The following NRXN1 variants were observed in gnomAD, a reference collection of about 807,000 sequenced individuals.
NRXN1 encodes neurexin-1.
Under a neutral mutation model 150.9 loss-of-function variants are expected in NRXN1, and 39 were observed. The observed-to-expected ratio is 0.26, with a 90% confidence interval of 0.20 to 0.34. NRXN1 has a LOEUF of 0.34. Among genes scored for constraint, NRXN1 ranks in the 10% least tolerant of loss-of-function variants. The pLI is 1.00. For missense variants in NRXN1, 1,815 were observed against 1,949.9 expected (o/e 0.93, Z 1.30); for synonymous variants, 924 against 757.0 (o/e 1.22, Z -3.62).
chr2:49,934,119 A>G (rs1486996949), intron 22 of NRXN1, among the ~76,000 whole-genome samples: 1 of 152,192 alleles, frequency 6.6e-6, no homozygotes, highest in Non-Finnish European at 1.5e-5. Context: ...AAATTTTATT[A>G]TGATATTTTA....
rs543794636 is a variant in NRXN1, at chr2:51,028,644, T to A, written c.-371A>T. 1 of 199,048 alleles carries A rather than the reference T, an allele frequency of 5.0e-6. No individual in the cohort carries two copies. Among genetic ancestry groups the A allele is most frequent in the South Asian group, 1.9e-4 (1 of 5,272 alleles). 12.3% of individuals were successfully genotyped at this position (199,048 alleles called of 1,614,324 possible). On this transcript the variant is annotated 5_prime_UTR_variant, in exon 2 of 23. It removes the in-frame stop codon of an upstream open reading frame in the 5' UTR. Transcript: ENST00000401669. Reference sequence around the variant, plus strand: ...AACTAATTTAAGAGTATCTGCAGTGTCAACAGATACTTAACTCCTCAAATC... The same window carrying A: ...AACTAATTTAAGAGTATCTGCAGTGACAACAGATACTTAACTCCTCAAATC...
intron 18 of NRXN1, among the ~76,000 whole-genome samples, chr2:50,229,318 C>G (rs115508014): frequency 8.2e-6 from 1 of 122,068 alleles, no homozygotes. Flanking sequence ...TGGCTTTCAG[C>G]GCATTTTTTT....
At chr2:50,985,573 T>C (rs370078404) in intron 2 of NRXN1, 11 of 151,604 alleles carry the variant, frequency 7.3e-5, no homozygotes, top group African/African-American at 2.7e-4. Flanking sequence ...GAAACCACTC[T>C]GAAAGAATTA....
intron 8 of NRXN1, among the ~76,000 whole-genome samples, chr2:50,583,853 A>G (rs1046500293): frequency 6.6e-6 from 1 of 152,206 alleles, no homozygotes; most frequent in African/African-American, 2.4e-5. Flanking sequence ...TACACAAAAT[A>G]TTAACATAAA....
At chr2:49,954,941 T>C (rs1479053321) in intron 21 of NRXN1, among the ~76,000 whole-genome samples, 8 of 152,178 alleles carry the variant, frequency 5.3e-5, no homozygotes, top group Admixed American at 5.2e-4. Context: ...ACATAATCAC[T>C]CAAAAACCTG....
At chr2:50,363,781 C>T (rs2079390454) in intron 17 of NRXN1, among the ~76,000 whole-genome samples, 2 of 152,182 alleles carry the variant, frequency 1.3e-5, no homozygotes, top group Non-Finnish European at 2.9e-5. Context: ...ACTATAAAGA[C>T]ATATGCACAT....
At chr2:51,016,520 T>A (rs1000791194) in intron 2 of NRXN1, among the ~76,000 whole-genome samples, 3 of 152,152 alleles carry the variant, frequency 2.0e-5, no homozygotes, top group Admixed American at 2.0e-4. Flanking sequence ...TCATCACTGG[T>A]CATTAGAGAA....
chr2:50,003,010 T>C (rs1177853604), intron 21 of NRXN1, among the ~76,000 whole-genome samples: 3 of 152,142 alleles, frequency 2.0e-5, no homozygotes, highest in South Asian at 2.1e-4. Context: ...AACCTGCTTA[T>C]GATTTAGAGT....
In NRXN1 at chr2:50,528,772, T is replaced by C. The variant is rs185781984; in HGVS notation, c.2348-121A>G. 103 of 618,120 alleles carry C rather than the reference T, an allele frequency of 1.7e-4. No homozygotes were observed. The African/African-American group carries it at 1.9e-3, about 11-fold the overall frequency. The allele number at this position is 618,120 out of a possible 1,614,324, so 38.3% of individuals were successfully genotyped here. ...GACACATGCAAATATGGCCACTCCA[T>C]ATCATTATTCTTTACATACTTATAA... On this transcript the variant is annotated intron_variant, in intron 11 of 22. Coordinates refer to ENST00000401669, the MANE Select transcript of NRXN1 (RefSeq NM_001330078.2).
At chr2:51,001,941 A>G (rs781613087) in intron 2 of NRXN1, among the ~76,000 whole-genome samples, 13 of 151,924 alleles carry the variant, frequency 8.6e-5, no homozygotes, top group Non-Finnish European at 1.5e-4. Context: ...TATTGGGAGG[A>G]AAGGAACATC....
chr2:50,392,937 T>C (rs1170017519), intron 17 of NRXN1, among the ~76,000 whole-genome samples: 1 of 152,042 alleles, frequency 6.6e-6, no homozygotes, highest in Non-Finnish European at 1.5e-5. Context: ...AAATGTACAG[T>C]GTTTAAAAAT....
At chr2:50,884,373 C>T (rs1252830205) in intron 5 of NRXN1, among the ~76,000 whole-genome samples, 2 of 151,548 alleles carry the variant, frequency 1.3e-5, no homozygotes, top group Non-Finnish European at 3.0e-5. Flanking sequence ...ATTAACAGTA[C>T]CTAAATGAAT....
rs184146986 is a variant in NRXN1, at chr2:50,874,885, C to T, written c.832+46984G>A. The stretch of plus-strand genomic sequence containing the variant: ...GGGAATTCCTGTCAAATGTATCTTA[C>T]GAATAAGCATTACTATAATAAAATT... On this transcript the variant is annotated intron_variant, in intron 5 of 22. Coordinates refer to ENST00000401669, the MANE Select transcript of NRXN1 (RefSeq NM_001330078.2). Among the ~76,000 whole-genome samples the T allele has an allele frequency of 5.7e-3, 870 of 151,676 alleles. 6 individuals carry two copies. The highest frequency in any genetic ancestry group is 8.1e-3 in the Non-Finnish European group (547 of 67,814).
rs546431323 is a variant in NRXN1, at chr2:50,143,269, G to A, written c.3547-51775C>T. Among the ~76,000 whole-genome samples the A allele has an allele frequency of 3.3e-5, 5 of 152,018 alleles. No individual in the cohort carries two copies. In the South Asian group the frequency reaches 1.0e-3, roughly 32 times the overall value. ...CATATACAAATATGCAAAGGGACAT[G>A]CAGAAAAGAAACATTGACCAATTAA... is the stretch of plus-strand genomic sequence containing the variant. On this transcript the variant is annotated intron_variant, in intron 18 of 22. Coordinates refer to ENST00000401669, the MANE Select transcript of NRXN1 (RefSeq NM_001330078.2).
At chr2:49,935,780 C>G (rs1383370402) in intron 22 of NRXN1, among the ~76,000 whole-genome samples, 1 of 152,164 alleles carries the variant, frequency 6.6e-6, no homozygotes, top group Non-Finnish European at 1.5e-5. Context: ...ATTTCATTAT[C>G]AAAACAGGTA....
chr2:50,380,187 T>C (rs1558632521), intron 17 of NRXN1, among the ~76,000 whole-genome samples: 1 of 152,090 alleles, frequency 6.6e-6, no homozygotes. Context: ...CTTACCATTG[T>C]GAAACTCAGC....
intron 17 of NRXN1, among the ~76,000 whole-genome samples, chr2:50,240,297 A>T (rs2065894202): frequency 6.6e-6 from 1 of 151,652 alleles, no homozygotes; most frequent in African/African-American, 2.4e-5. Context: ...AGTCTTTCTT[A>T]GTTTTTCTTC....
At chr2:50,352,031 C>T (rs1341602518) in intron 17 of NRXN1, among the ~76,000 whole-genome samples, 1 of 152,082 alleles carries the variant, frequency 6.6e-6, no homozygotes, top group East Asian at 1.9e-4. Context: ...GGGGTTCACA[C>T]TCAGTTGCCG....
chr2:50,053,873 T>C (rs1693184755), intron 20 of NRXN1, among the ~76,000 whole-genome samples: 1 of 152,220 alleles, frequency 6.6e-6, no homozygotes, highest in East Asian at 1.9e-4. Flanking sequence ...CTTTTCCCTT[T>C]TACATCAAGA....
Sources: allele counts gnomAD v4.1 joint callset (sites outside exome capture counted in the v4.1 genomes callset), GRCh38; gene constraint gnomAD v4.1.1; transcripts MANE v1.5; gene names NCBI Gene and HGNC (gene_info 2026-07-23, HGNC 2026-07-21).